PRKN: variants seen among roughly 807,000 people sequenced by gnomAD.
PRKN encodes E3 ubiquitin-protein ligase parkin.
A neutral mutation model predicts 59.5 loss-of-function variants in PRKN; 56 were observed. The ratio of observed to expected loss-of-function variants is 0.94; its 90% CI spans 0.76 to 1.18. PRKN has a LOEUF of 1.18. Ranked by LOEUF, PRKN falls within the 50% of genes most tolerant of loss-of-function variation. The pLI is 0.00. For synonymous variants in PRKN, 250 were observed against 222.1 expected (o/e 1.13, Z -1.12); for missense variants, 657 against 596.4 (o/e 1.10, Z -1.06).
chr6:162,526,498 A>G (rs988031879), intron 1 of PRKN, among the ~76,000 whole-genome samples: 10 of 151,938 alleles, frequency 6.6e-5, no homozygotes, highest in African/African-American at 2.4e-4. Flanking sequence ...AAAAATACAA[A>G]AACTAGCCGG....
chr6:162,010,391 A>T (rs1257476344), intron 5 of PRKN, among the ~76,000 whole-genome samples: 1 of 93,018 alleles, frequency 1.1e-5, no homozygotes, highest in East Asian at 2.9e-4. Context: ...TATAATATAT[A>T]AATAATATAC....
Position 162,651,105 on chromosome 6 carries a change from C to T in PRKN, c.7+76557G>A, listed in dbSNP as rs571408785. On this transcript the variant is annotated intron_variant, in intron 1 of 11. Transcript: ENST00000366898. ...CCTGTGAGGGTTAGTCAACTGAGAG[C>T]AACCACAATATGGCTTTGTTTGTTT... Among the ~76,000 whole-genome samples the T allele has an allele frequency of 1.6e-4, 25 of 152,106 alleles. No individual in the cohort carries two copies. The South Asian group carries it at 2.3e-3, about 14-fold the overall frequency.
intron 4 of PRKN, among the ~76,000 whole-genome samples, chr6:162,104,396 G>A (rs1780101585): frequency 6.6e-6 from 1 of 152,232 alleles, no homozygotes; most frequent in African/African-American, 2.4e-5. Flanking sequence ...ATATTGTTTG[G>A]CCACACATAT....
chr6:162,492,009 G>A (rs531889063), intron 1 of PRKN, among the ~76,000 whole-genome samples: 1 of 152,170 alleles, frequency 6.6e-6, no homozygotes, highest in African/African-American at 2.4e-5. Context: ...AGGTGTGACT[G>A]TGGCAGACGT....
chr6:162,062,963 G>C (rs1562490704), intron 4 of PRKN, among the ~76,000 whole-genome samples: 1 of 152,180 alleles, frequency 6.6e-6, no homozygotes, highest in Non-Finnish European at 1.5e-5. Flanking sequence ...ATAAGAGACA[G>C]AGGCTCTCTG....
rs1023510785 is a variant in PRKN, at chr6:162,437,700, G to A, written c.171+5610C>T. 2.0e-4 allele frequency among the ~76,000 whole-genome samples: 30 copies of A among 152,218 alleles called. No homozygotes were observed. The East Asian group carries it at 5.2e-3, about 26-fold the overall frequency. On this transcript the variant is annotated intron_variant, in intron 2 of 11. Transcript: ENST00000366898. The stretch of plus-strand genomic sequence containing the variant: ...TTCAGTGTACGATCTTTGGGGATGG[G>A]CTTTTTCCACACAGCACATTTCCCC...
rs1786497356 is a variant in PRKN, at chr6:161,391,370, T to C, written c.1084-4493A>G. Among the ~76,000 whole-genome samples the C allele has an allele frequency of 6.6e-6, 1 of 152,028 alleles. No individual in the cohort carries two copies. The highest frequency in any genetic ancestry group is 1.5e-5 in the Non-Finnish European group (1 of 67,996). ...GAAACATGGAGTCCTGTTTATACCG[T>C]ATACATTTTCAGGATTGTCTTCTCT... On this transcript the variant is annotated intron_variant, in intron 9 of 11. Coordinates refer to ENST00000366898, the MANE Select transcript of PRKN (RefSeq NM_004562.3). This position sits in a 1 kb window ranked among gnomAD's most constrained non-coding sequence, Gnocchi z 4.9.
At chr6:161,841,060 A>G (rs1056264428) in intron 6 of PRKN, among the ~76,000 whole-genome samples, 1 of 152,228 alleles carries the variant, frequency 6.6e-6, no homozygotes, top group Admixed American at 6.5e-5. Flanking sequence ...CAGCAATCCC[A>G]TTACTGTGTG....
chr6:161,948,175 G>A (rs570197409), intron 6 of PRKN, among the ~76,000 whole-genome samples: 1 of 152,030 alleles, frequency 6.6e-6, no homozygotes, highest in East Asian at 1.9e-4. Flanking sequence ...TTAGTAGAGA[G>A]GGGATTTCAC....
chr6:162,110,836 T>C (rs1443867658), intron 4 of PRKN, among the ~76,000 whole-genome samples: 1 of 152,162 alleles, frequency 6.6e-6, no homozygotes, highest in Non-Finnish European at 1.5e-5. Context: ...ACACACCCTC[T>C]AGGAAACGGT....
chr6:161,465,119 C>A (rs1215329992), intron 9 of PRKN, among the ~76,000 whole-genome samples: 2 of 152,220 alleles, frequency 1.3e-5, no homozygotes, highest in African/African-American at 4.8e-5. Context: ...AGACAGCAGT[C>A]TAGACGGTGA....
rs1245608483 is a variant in PRKN at position 161,582,688 on chromosome 6, A to C, written c.872-13272T>G. Among the ~76,000 whole-genome samples the C allele has an allele frequency of 6.6e-6, 1 of 151,994 alleles. No homozygotes were observed. Among genetic ancestry groups the C allele is most frequent in the Non-Finnish European group, 1.5e-5 (1 of 68,010 alleles). On this transcript the variant is annotated intron_variant, in intron 7 of 11. Transcript: ENST00000366898. This position sits in a 1 kb window ranked among gnomAD's most constrained non-coding sequence, Gnocchi z 4.4. The stretch of plus-strand genomic sequence containing the variant: ...GTGATCTGCCCGCCTCGGCCTCCCA[A>C]AGTTCTGGGATTACAGGTGTGAGAC...
intron 7 of PRKN, among the ~76,000 whole-genome samples, chr6:161,707,104 C>A (rs35273090): frequency 0.54 from 81,249 of 151,712 alleles, 22,728 homozygotes; most frequent in African/African-American, 0.68. Context: ...TGAAGCAATG[C>A]TAGTTCAGTT....
chr6:162,150,430 G>A (rs572681467), intron 4 of PRKN, among the ~76,000 whole-genome samples: 3 of 152,238 alleles, frequency 2.0e-5, no homozygotes, highest in African/African-American at 4.8e-5. Flanking sequence ...CTCTGCTCCC[G>A]CACACAAGGC....
At chr6:161,682,528 G>C (rs1378343043) in intron 7 of PRKN, among the ~76,000 whole-genome samples, 1 of 152,068 alleles carries the variant, frequency 6.6e-6, no homozygotes, top group East Asian at 1.9e-4. Context: ...CGGAGCTGGG[G>C]AAAGGCCTCC....
intron 6 of PRKN, among the ~76,000 whole-genome samples, chr6:161,972,167 G>A (rs920174029): frequency 1.3e-5 from 2 of 151,742 alleles, no homozygotes; most frequent in African/African-American, 2.4e-5. Context: ...CCAGCTACTC[G>A]GGAGGCTGAG....
At chr6:162,063,288 G>C (rs1778180777) in intron 4 of PRKN, among the ~76,000 whole-genome samples, 1 of 152,132 alleles carries the variant, frequency 6.6e-6, no homozygotes, top group Admixed American at 6.5e-5. Context: ...AAACACACCA[G>C]TTAAATATAA....
intron 1 of PRKN, among the ~76,000 whole-genome samples, chr6:162,622,116 T>G (rs989018704): frequency 1.9e-4 from 28 of 150,204 alleles, no homozygotes; most frequent in African/African-American, 6.8e-4. Context: ...CCCAGCCTAA[T>G]CTTCACTTTA....
intron 2 of PRKN, among the ~76,000 whole-genome samples, chr6:162,320,246 T>A (rs1782934438): frequency 6.6e-6 from 1 of 151,554 alleles, no homozygotes; most frequent in Admixed American, 6.6e-5. Context: ...ATCTTTGCTA[T>A]TATGAACAGT....
Sources: allele counts gnomAD v4.1 joint callset (sites outside exome capture counted in the v4.1 genomes callset), GRCh38; gene constraint gnomAD v4.1.1; non-coding constraint Gnocchi (gnomAD v3.1); transcripts MANE v1.5; gene names NCBI Gene and HGNC (gene_info 2026-07-23, HGNC 2026-07-21).